AFMID: variants seen among roughly 807,000 people sequenced by gnomAD.
The protein encoded by AFMID is kynurenine formamidase.
A neutral mutation model predicts 47.5 loss-of-function variants in AFMID; 39 were observed. The observed-to-expected ratio is 0.82, with a 90% confidence interval of 0.64 to 1.07. The LOEUF is 1.07. Ranked by LOEUF, AFMID falls within the 50% of genes least tolerant of loss-of-function variation. The probability of loss-of-function intolerance (pLI) is 0.00; values close to 1 mark genes in which losing one functional copy is unlikely to be tolerated. For synonymous variants in AFMID, 130 were observed against 153.2 expected, an observed-to-expected ratio of 0.85 and a Z score of 1.12; for missense variants, 375 against 387.5, an observed-to-expected ratio of 0.97 and a Z score of 0.27.
chr17:78,189,099 CAGTA>C (rs974897515), intron 1 of AFMID, among the ~76,000 whole-genome samples: 11 of 152,032 alleles, frequency 7.2e-5, no homozygotes, highest in African/African-American at 2.2e-4. Context: ...GAGGATAAAA[CAGTA>C]AGTAAGTGAG....
chr17:78,192,795 C>G (rs1489418732), intron 2 of AFMID: 1 of 360,356 alleles, frequency 2.8e-6, no homozygotes, highest in Non-Finnish European at 6.0e-6. Context: ...GGTGAGGACG[C>G]AGCCAACCAT....
At chr17:78,190,218 C>G (rs766826877) in intron 1 of AFMID, among the ~76,000 whole-genome samples, 3 of 151,866 alleles carry the variant, frequency 2.0e-5, no homozygotes, top group Non-Finnish European at 2.9e-5. Flanking sequence ...GTTAGCCCGA[C>G]ATTCACCGCC....
intron 2 of AFMID, among the ~76,000 whole-genome samples, chr17:78,192,472 G>A (rs1188545117): frequency 3.3e-5 from 5 of 151,488 alleles, no homozygotes; most frequent in Admixed American, 1.3e-4. Flanking sequence ...GTGCCACCAA[G>A]CCCAGCTAAT....
chr17:78,190,633 C>T lies in AFMID; in HGVS notation c.64-337C>T, dbSNP rs148995878. Reference sequence around the variant, plus strand: ...TCTCAAACTTCTGACTTCAAGTGATCCACCTGCCTCAGGCTCCCAAAGTGC... The same window carrying T: ...TCTCAAACTTCTGACTTCAAGTGATTCACCTGCCTCAGGCTCCCAAAGTGC... On this transcript the variant is annotated intron_variant, in intron 1 of 10. Transcript: ENST00000409257. 2.0e-3 allele frequency: 431 copies of T among 212,496 alleles called. 1 individual carries two copies. Among genetic ancestry groups the T allele is most frequent in the Middle Eastern group, 9.0e-3 (5 of 558 alleles). The allele number at this position is 212,496 out of a possible 1,614,324, so 13.2% of individuals were successfully genotyped here. A position where few individuals can be genotyped will look rare whatever the true frequency, so the allele number is the denominator to read the frequency against.
Position 78,205,698 on chromosome 17 carries a change from A to T in AFMID, c.740A>T (p.Asp247Val), listed in dbSNP as rs781275910. Reference protein sequence around the residue: ...CRVLVVVGQFDSPEFHRQSWE... With the variant: ...CRVLVVVGQFVSPEFHRQSWE... ...GTGCTGGTGGTCGTGGGCCAGTTCG[A>T]CTCCCCCGAATTCCACCGACAGTCC... The change falls in exon 9 of 11, where the codon GAC becomes GTC. Residue 247 changes from aspartate to valine, a missense_variant. Asp to Val is a radical substitution (Grantham distance 152, BLOSUM62 -3). Transcript: ENST00000409257. 3.9e-5 allele frequency: 63 copies of T among 1,610,238 alleles called. No individual in the cohort carries two copies. Among genetic ancestry groups the T allele is most frequent in the Admixed American group, 5.0e-5 (3 of 59,810 alleles).
intron 1 of AFMID, among the ~76,000 whole-genome samples, chr17:78,188,787 T>TG (rs1034838399): frequency 5.9e-5 from 9 of 151,948 alleles, no homozygotes; most frequent in Non-Finnish European, 2.9e-5. Flanking sequence ...TTAGTAGAGA[T>TG]GGGGTTTCAC....
chr17:78,206,120 C>T, intron 10 of AFMID, 70 bp downstream of exon 10: 2 of 1,382,468 alleles, frequency 1.4e-6, no homozygotes, highest in Non-Finnish European at 2.0e-6. Flanking sequence ...CTTAGATGTG[C>T]AAACCAGGAG....
rs1010933852 is a variant in AFMID, at chr17:78,207,696, A to G, written c.*759A>G. ...ATGTTGATAAATAAAGTTGTATTGG[A>G]ACACGGCCCTGCTCGTTCATTTACG... On this transcript the variant is annotated 3_prime_UTR_variant, in exon 11 of 11. Coordinates refer to ENST00000409257, the MANE Select transcript of AFMID (RefSeq NM_001010982.5). The G allele has an allele frequency of 6.6e-6, 1 of 152,310 alleles. No individual in the cohort carries two copies. The highest frequency in any genetic ancestry group is 2.4e-5 in the African/African-American group (1 of 41,472). The allele number at this position is 152,310 out of a possible 1,614,324, so 9.4% of individuals were successfully genotyped here. A position where few individuals can be genotyped will look rare whatever the true frequency, so the allele number is the denominator to read the frequency against.
At chr17:78,197,261 T>C in intron 2 of AFMID, 2 of 1,514,292 alleles carry the variant, frequency 1.3e-6, no homozygotes, top group Non-Finnish European at 1.8e-6. Flanking sequence ...CAAACCCCCA[T>C]GGATGGCAGC....
At position 78,187,370 on chromosome 17, in the gene AFMID, C is replaced by A; in HGVS notation, c.-1C>A. 1 of 1,613,830 alleles carries A rather than the reference C, an allele frequency of 6.2e-7. No individual in the cohort carries two copies. The highest frequency in any genetic ancestry group is 8.5e-7 in the Non-Finnish European group (1 of 1,179,934). On this transcript the variant is annotated 5_prime_UTR_variant, in exon 1 of 11. Coordinates refer to ENST00000409257, the MANE Select transcript of AFMID (RefSeq NM_001010982.5). ...CGCACGCCCATGCGGCTGTAGACGC[C>A]ATGATGGATGTGTCTGGTGTGGGTT...
At chr17:78,204,245 C>T (rs1256117833) in intron 4 of AFMID, among the ~76,000 whole-genome samples, 1 of 151,894 alleles carries the variant, frequency 6.6e-6, no homozygotes, top group Non-Finnish European at 1.5e-5. Context: ...AGTTAGAAAC[C>T]AGCCTGGTCA....
At chr17:78,197,322 T>G in intron 2 of AFMID, 5 of 981,106 alleles carry the variant, frequency 5.1e-6, no homozygotes, top group Non-Finnish European at 7.6e-6. Flanking sequence ...CCCAGAATTC[T>G]ACCCCTGAGA....
At chr17:78,187,703 A>T (rs1232825171) in intron 1 of AFMID, among the ~76,000 whole-genome samples, 1 of 152,092 alleles carries the variant, frequency 6.6e-6, no homozygotes, top group Non-Finnish European at 1.5e-5. Flanking sequence ...GTGGCGGCTC[A>T]CACCTGTAAT....
intron 9 of AFMID, 21 bp from the exon 10 acceptor site, chr17:78,205,925 T>C: frequency 6.2e-7 from 1 of 1,612,650 alleles, no homozygotes; most frequent in South Asian, 1.1e-5. Context: ...AGGCCCCTCT[T>C]CCCATGTCTC....
chr17:78,194,449 A>G (rs1157573491), intron 2 of AFMID, among the ~76,000 whole-genome samples: 1 of 151,770 alleles, frequency 6.6e-6, no homozygotes, highest in Non-Finnish European at 1.5e-5. Flanking sequence ...ATTTTTTCTC[A>G]TTTTTTATTT....
At chr17:78,192,572 C>CCAAA (rs1165304962) in intron 2 of AFMID, 1 of 467,084 alleles carries the variant, frequency 2.1e-6, no homozygotes, top group Non-Finnish European at 4.4e-6. Context: ...CCTCGGCCTC[C>CCAAA]CAAAGTGCTG....
chr17:78,195,699 T>C (rs1201347112), intron 2 of AFMID, among the ~76,000 whole-genome samples: 1 of 150,462 alleles, frequency 6.6e-6, no homozygotes, highest in African/African-American at 2.5e-5. Flanking sequence ...ATGGGGTTTC[T>C]CCATGTTGGT....
chr17:78,198,665 C>T (rs1360985440), intron 2 of AFMID, among the ~76,000 whole-genome samples: 5 of 149,266 alleles, frequency 3.3e-5, no homozygotes, highest in Non-Finnish European at 7.4e-5. Flanking sequence ...AAAAATTAGA[C>T]AGGTGTGGTG....
intron 1 of AFMID, among the ~76,000 whole-genome samples, chr17:78,189,767 A>G (rs1022537100): frequency 4.1e-5 from 6 of 147,180 alleles, no homozygotes; most frequent in Non-Finnish European, 6.0e-5. Context: ...TGATCTGCCT[A>G]TCTTGGCCTC....
Sources: allele counts gnomAD v4.1 joint callset (sites outside exome capture counted in the v4.1 genomes callset), GRCh38; gene constraint gnomAD v4.1.1; transcripts MANE v1.5; gene names NCBI Gene and HGNC (gene_info 2026-07-23, HGNC 2026-07-21).